Variants in CDH8 observed in about 807,000 individuals in gnomAD.
CDH8 encodes the protein cadherin-8.
In CDH8, 17 loss-of-function variants were observed where a neutral mutation model predicts 68.1. That is an observed-to-expected ratio of 0.25 (90% CI 0.17 to 0.37). The LOEUF is 0.37. Among genes scored for constraint, CDH8 ranks in the 10% least tolerant of loss-of-function variants. The pLI, the probability that CDH8 is intolerant of heterozygous loss-of-function variation, is 1.00. For missense variants in CDH8, 763 were observed against 999.3 expected (o/e 0.76, Z 3.19); for synonymous variants, 372 against 365.1 (o/e 1.02, Z -0.21).
chr16:61,875,635 T>C (rs1344041654), intron 3 of CDH8, among the ~76,000 whole-genome samples: 1 of 152,214 alleles, frequency 6.6e-6, no homozygotes, highest in Non-Finnish European at 1.5e-5. Flanking sequence ...TCTAATTTTA[T>C]AGAAAAGTTG....
intron 10 of CDH8, among the ~76,000 whole-genome samples, chr16:61,678,796 C>T (rs1187997661): frequency 6.6e-6 from 1 of 152,074 alleles, no homozygotes; most frequent in Non-Finnish European, 1.5e-5. Context: ...TTCTCATACC[C>T]TCCCCTGCTA....
At chr16:61,755,533 A>G (rs1231481056) in intron 8 of CDH8, among the ~76,000 whole-genome samples, 1 of 152,144 alleles carries the variant, frequency 6.6e-6, no homozygotes, top group African/African-American at 2.4e-5. Flanking sequence ...GAATTAAACA[A>G]TTTAAATTGT....
chr16:61,869,525 C>T (rs1463615539), intron 3 of CDH8, among the ~76,000 whole-genome samples: 2 of 152,134 alleles, frequency 1.3e-5, no homozygotes, highest in Non-Finnish European at 2.9e-5. Context: ...TCCATGTGTA[C>T]ATGTATGAGT....
chr16:61,697,324 G>T (rs187527745), intron 10 of CDH8, among the ~76,000 whole-genome samples: 1 of 152,082 alleles, frequency 6.6e-6, no homozygotes, highest in Admixed American at 6.5e-5. Context: ...GCAGCTTTGA[G>T]AACATGTCAC....
At chr16:61,959,523 C>CCTCTCTCTCTCTCTCT (rs10624937) in intron 2 of CDH8, among the ~76,000 whole-genome samples, 1 of 133,526 alleles carries the variant, frequency 7.5e-6, no homozygotes, top group African/African-American at 2.9e-5. Context: ...CCTTATCCTC[C>CCTCTCTCTCTCTCTCT]CTCTCTCTCT....
rs1490786226 is a variant in CDH8, at chr16:61,789,319, A to G, written c.1414+27T>C. ...ATAAATTGAACTCAGTCACACAAGGAAGAAATGAACAAATCCAGGCACTTA... is the reference window on the plus strand; with the variant it reads ...ATAAATTGAACTCAGTCACACAAGGGAGAAATGAACAAATCCAGGCACTTA... On this transcript the variant is annotated intron_variant, in intron 8 of 11. Transcript: ENST00000577390. 3 of 1,601,032 alleles carry G rather than the reference A, an allele frequency of 1.9e-6. No homozygotes were observed. In the African/African-American group the frequency reaches 4.0e-5, roughly 22 times the overall value.
intron 4 of CDH8, among the ~76,000 whole-genome samples, chr16:61,834,757 A>G (rs980695383): frequency 3.3e-5 from 5 of 151,922 alleles, no homozygotes; most frequent in African/African-American, 1.2e-4. Context: ...CTTGGCAAAT[A>G]TATGGTTATG....
At chr16:61,686,346 C>T (rs959697172) in intron 10 of CDH8, among the ~76,000 whole-genome samples, 15 of 151,920 alleles carry the variant, frequency 9.9e-5, no homozygotes, top group African/African-American at 3.4e-4. Context: ...GGGCACTGTT[C>T]CCAGAATTGA....
At chr16:61,901,624 G>T in intron 2 of CDH8, 151 bp from the exon 3 acceptor site, 1 of 604,982 alleles carries the variant, frequency 1.7e-6, no homozygotes, top group Non-Finnish European at 2.9e-6. Flanking sequence ...CAGCTGTGCG[G>T]ATATCAATTA....
chr16:62,029,821 GA>G (rs1328944659), intron 1 of CDH8, among the ~76,000 whole-genome samples: 2 of 152,216 alleles, frequency 1.3e-5, no homozygotes, highest in African/African-American at 4.8e-5. Flanking sequence ...GGAGCTCAGA[GA>G]AGATAATGCT....
intron 2 of CDH8, among the ~76,000 whole-genome samples, chr16:61,952,543 G>C (rs1240772698): frequency 6.6e-6 from 1 of 152,112 alleles, no homozygotes; most frequent in Non-Finnish European, 1.5e-5. Context: ...AAATGGCAGA[G>C]GAGGTGAATT....
intron 8 of CDH8, among the ~76,000 whole-genome samples, chr16:61,788,088 T>TAA (rs34586856): frequency 7.5e-6 from 1 of 133,186 alleles, no homozygotes; most frequent in Non-Finnish European, 1.7e-5. Context: ...TAAAGTATAA[T>TAA]AAAAAAAAAA....
chr16:61,686,558 T>G (rs1964112201), intron 10 of CDH8, among the ~76,000 whole-genome samples: 1 of 152,022 alleles, frequency 6.6e-6, no homozygotes, highest in African/African-American at 2.4e-5. Context: ...ATATTCCTGC[T>G]GTGTAACCTT....
intron 1 of CDH8, among the ~76,000 whole-genome samples, chr16:62,031,566 T>C (rs540296933): frequency 2.0e-4 from 30 of 152,204 alleles, no homozygotes; most frequent in Middle Eastern, 3.4e-3. Flanking sequence ...GAAAACTGTT[T>C]GAAGGTTCCA....
chr16:61,856,878 A>G (rs1247791834), intron 4 of CDH8, among the ~76,000 whole-genome samples: 1 of 152,140 alleles, frequency 6.6e-6, no homozygotes, highest in Non-Finnish European at 1.5e-5. Context: ...TTATTCCAGG[A>G]TGAAAAATGG....
intron 1 of CDH8, among the ~76,000 whole-genome samples, chr16:62,031,603 C>T (rs1365533735): frequency 6.6e-6 from 1 of 151,922 alleles, no homozygotes; most frequent in African/African-American, 2.4e-5. Flanking sequence ...ATTTATGATA[C>T]TTTCCAAAGA....
chr16:61,820,441 T>C (rs1962187763), intron 6 of CDH8, among the ~76,000 whole-genome samples: 1 of 151,264 alleles, frequency 6.6e-6, no homozygotes, highest in Non-Finnish European at 1.5e-5. Context: ...TGGAGAGTTA[T>C]ATACAGAAAG....
intron 8 of CDH8, among the ~76,000 whole-genome samples, chr16:61,778,904 C>T (rs1314374193): frequency 1.3e-5 from 2 of 152,110 alleles, no homozygotes; most frequent in Admixed American, 6.5e-5. Context: ...GGCAACTGGG[C>T]CCCATGCTAG....
At chr16:61,997,331 C>T (rs115401184) in intron 2 of CDH8, among the ~76,000 whole-genome samples, 224 of 152,184 alleles carry the variant, frequency 1.5e-3, no homozygotes, top group African/African-American at 5.2e-3. Flanking sequence ...CACATGCCAT[C>T]GAAGAGATCC....
Sources: allele counts gnomAD v4.1 joint callset (sites outside exome capture counted in the v4.1 genomes callset), GRCh38; gene constraint gnomAD v4.1.1; transcripts MANE v1.5; gene names NCBI Gene and HGNC (gene_info 2026-07-23, HGNC 2026-07-21).